Variants in PTPRT observed in about 807,000 individuals in gnomAD.
PTPRT encodes protein tyrosine phosphatase receptor type T.
In PTPRT, 56 loss-of-function variants were observed where a neutral mutation model predicts 176.8. The ratio of observed to expected loss-of-function variants is 0.32; its 90% CI spans 0.26 to 0.40. The LOEUF is 0.40. PTPRT is among the 10% of genes least tolerant of loss of function. The probability of loss-of-function intolerance (pLI) is 1.00; values close to 1 mark genes in which losing one functional copy is unlikely to be tolerated. For missense variants in PTPRT, 1,540 were observed against 1,908.2 expected (o/e 0.81, Z 3.60); for synonymous variants, 783 against 739.0 (o/e 1.06, Z -0.96).
At chr20:42,104,439 A>G in intron 25 of PTPRT, 130 bp downstream of exon 25, 1 of 1,069,664 alleles carries the variant, frequency 9.3e-7, no homozygotes. Context: ...TGGAAGCTTG[A>G]TGCTGGGCTT....
chr20:42,082,075 A>T (rs1983386552), intron 29 of PTPRT, 58 bp from the exon 30 acceptor site: 5 of 1,609,520 alleles, frequency 3.1e-6, no homozygotes, highest in African/African-American at 1.3e-5. Flanking sequence ...GCACCTGATG[A>T]TTCTAAAGCT....
intron 17 of PTPRT, among the ~76,000 whole-genome samples, chr20:42,146,790 C>G (rs777743891): frequency 6.6e-6 from 1 of 152,196 alleles, no homozygotes; most frequent in Non-Finnish European, 1.5e-5. Context: ...CTCTTTAGTG[C>G]AACATCCTTA....
At chr20:43,009,796 G>C (rs1985031550) in intron 1 of PTPRT, among the ~76,000 whole-genome samples, 1 of 152,156 alleles carries the variant, frequency 6.6e-6, no homozygotes, top group Non-Finnish European at 1.5e-5. Context: ...CTGATCATCT[G>C]ACCCCCTCAG....
At chr20:42,067,329 C>T in the PTPRT span, among the ~76,000 whole-genome samples, 42 of 152,274 alleles carry the variant, frequency 2.8e-4, no homozygotes, top group African/African-American at 9.1e-4. Flanking sequence ...GAACGCACGC[C>T]CCCATCTGTT....
Position 43,146,108 on chromosome 20 carries a change from A to G in PTPRT, c.88+43538T>C, listed in dbSNP as rs542597971. The stretch of plus-strand genomic sequence containing the variant: ...GCATATATTAGAAAAGTCGATTTTA[A>G]TAACTACTTGGTTCTTCTTCTTGGA... On this transcript the variant is annotated intron_variant, in intron 1 of 30. Transcript: ENST00000373187. 2.1e-4 allele frequency among the ~76,000 whole-genome samples: 32 copies of G among 152,310 alleles called. No homozygotes were observed. The South Asian group carries it at 6.6e-3, about 32-fold the overall frequency.
intron 2 of PTPRT, among the ~76,000 whole-genome samples, chr20:42,844,636 C>A (rs935830829): frequency 1.3e-5 from 2 of 152,302 alleles, no homozygotes; most frequent in South Asian, 2.1e-4. Flanking sequence ...ACTTCCCCCA[C>A]ATGACAATGG....
intron 1 of PTPRT, among the ~76,000 whole-genome samples, chr20:42,899,489 C>A (rs1003511468): frequency 2.6e-5 from 4 of 152,230 alleles, no homozygotes; most frequent in Non-Finnish European, 4.4e-5. Flanking sequence ...CATCAAAAAT[C>A]AAATGCAAAA....
chr20:42,140,887 A>C (rs1347957284), intron 18 of PTPRT, among the ~76,000 whole-genome samples: 1 of 152,174 alleles, frequency 6.6e-6, no homozygotes, highest in Non-Finnish European at 1.5e-5. Context: ...CTGTAGCAAG[A>C]GTTTTATGTA....
intron 6 of PTPRT, among the ~76,000 whole-genome samples, chr20:42,700,135 A>G (rs1390296351): frequency 6.6e-6 from 1 of 152,182 alleles, no homozygotes; most frequent in Non-Finnish European, 1.5e-5. Flanking sequence ...GCACTCGACC[A>G]TCTCTAACCT....
At chr20:42,585,727 T>C (rs767142708) in intron 7 of PTPRT, among the ~76,000 whole-genome samples, 1 of 152,176 alleles carries the variant, frequency 6.6e-6, no homozygotes, top group African/African-American at 2.4e-5. Context: ...TTTATATAAA[T>C]TTACCTGTAG....
chr20:43,082,201 G>A lies in PTPRT; in HGVS notation c.88+107445C>T, dbSNP rs144981736. 1.1e-3 allele frequency among the ~76,000 whole-genome samples: 162 copies of A among 152,194 alleles called. 2 individuals carry two copies. Among genetic ancestry groups the A allele is most frequent in the African/African-American group, 2.7e-3 (112 of 41,534 alleles). On this transcript the variant is annotated intron_variant, in intron 1 of 30. Coordinates refer to ENST00000373187, the MANE Select transcript of PTPRT (RefSeq NM_007050.6). ...TTTCTGTAACGTAATCTAAGAGTAC[G>A]TGCATCTTAATCAGTGAGATTAACC...
At chr20:42,764,436 T>C (rs2076955961) in intron 5 of PTPRT, among the ~76,000 whole-genome samples, 1 of 152,198 alleles carries the variant, frequency 6.6e-6, no homozygotes, top group Non-Finnish European at 1.5e-5. Flanking sequence ...TACTTAAGTA[T>C]CTGGTTCAGC....
At position 42,448,939 on chromosome 20, in the gene PTPRT, ATCC is replaced by A. The variant is rs1192134475; in HGVS notation, c.1451-613_1451-611del. On this transcript the variant is annotated intron_variant, in intron 8 of 30. Transcript: ENST00000373187. ...TTTGTATTGGGCCACATTCAAAGCC[ATCC>A]TGGGCTGCATGCAGCCCAGGGGCTG... 3.3e-5 allele frequency among the ~76,000 whole-genome samples: 5 copies of A among 152,210 alleles called. No homozygotes were observed. The East Asian group carries it at 9.7e-4, about 29-fold the overall frequency.
chr20:42,581,741 G>C (rs576661453), intron 7 of PTPRT, among the ~76,000 whole-genome samples: 3 of 152,260 alleles, frequency 2.0e-5, no homozygotes, highest in Admixed American at 2.0e-4. Flanking sequence ...TTGCCTTTAA[G>C]TAGGAAAAGG....
chr20:42,276,647 A>G (rs2057044771), intron 13 of PTPRT, among the ~76,000 whole-genome samples: 1 of 148,922 alleles, frequency 6.7e-6, no homozygotes, highest in Non-Finnish European at 1.5e-5. Context: ...GACTTGTCCA[A>G]GGTCTAACAG....
At chr20:42,964,310 TG>T (rs1406905270) in intron 1 of PTPRT, among the ~76,000 whole-genome samples, 1 of 151,932 alleles carries the variant, frequency 6.6e-6, no homozygotes, top group Non-Finnish European at 1.5e-5. Context: ...AAAGCATGGG[TG>T]GATTTAATAG....
At chr20:42,159,204 C>G (rs993657377) in intron 17 of PTPRT, among the ~76,000 whole-genome samples, 2 of 124,930 alleles carry the variant, frequency 1.6e-5, no homozygotes, top group African/African-American at 5.9e-5. Context: ...TCCTTTCTTT[C>G]TTTTTTTTTT....
chr20:42,428,182 A>C (rs2145792341), intron 9 of PTPRT, among the ~76,000 whole-genome samples: 1 of 152,314 alleles, frequency 6.6e-6, no homozygotes, highest in South Asian at 2.1e-4. Flanking sequence ...CCCCAGGCAT[A>C]AATGTGTGGA....
At chr20:42,985,223 G>A (rs759300378) in intron 1 of PTPRT, among the ~76,000 whole-genome samples, 1 of 152,158 alleles carries the variant, frequency 6.6e-6, no homozygotes, top group African/African-American at 2.4e-5. Flanking sequence ...ACCGCCGGGT[G>A]TGGTGGCTCA....
Sources: gnomAD v4.1 joint callset for allele counts (sites outside exome capture counted in the v4.1 genomes callset) on GRCh38, gnomAD v4.1.1 for gene constraint, MANE v1.5 for transcripts, NCBI Gene and HGNC (gene_info 2026-07-23, HGNC 2026-07-21) for gene names.